The following CLASP1 variants were observed in gnomAD, a reference collection of about 807,000 sequenced individuals.
CLASP1 encodes CLIP-associating protein 1.
CLASP1 carries 38 observed loss-of-function variants against 192.3 expected under a neutral mutation model. The ratio of observed to expected loss-of-function variants is 0.20; its 90% CI spans 0.15 to 0.26. CLASP1 has a LOEUF of 0.26. Ranked by LOEUF, CLASP1 falls within the 10% of genes least tolerant of loss-of-function variation. The pLI is 1.00. For synonymous variants in CLASP1, 691 were observed against 712.8 expected, an observed-to-expected ratio of 0.97 and a Z score of 0.49; for missense variants, 1,433 against 1,932.5, an observed-to-expected ratio of 0.74 and a Z score of 4.85.
At chr2:121,404,930 G>C (rs1340650165) in intron 25 of CLASP1, among the ~76,000 whole-genome samples, 1 of 152,040 alleles carries the variant, frequency 6.6e-6, no homozygotes, top group African/African-American at 2.4e-5. Flanking sequence ...TTAATGAGAG[G>C]TACAAAACAA....
chr2:121,429,585 A>G (rs949004430), intron 20 of CLASP1, among the ~76,000 whole-genome samples: 3 of 152,256 alleles, frequency 2.0e-5, no homozygotes, highest in African/African-American at 4.8e-5. Context: ...GGAAGCAGCT[A>G]GGCAAAGCAA....
At chr2:121,506,664 G>C (rs2093958309) in intron 7 of CLASP1, among the ~76,000 whole-genome samples, 1 of 152,096 alleles carries the variant, frequency 6.6e-6, no homozygotes, top group African/African-American at 2.4e-5. Flanking sequence ...GGCTGACTTT[G>C]ACACTCTGAA....
intron 38 of CLASP1, among the ~76,000 whole-genome samples, chr2:121,347,990 C>T (rs1229417684): frequency 2.2e-5 from 3 of 133,608 alleles, no homozygotes; most frequent in African/African-American, 8.3e-5. Flanking sequence ...TGTCATGTAG[C>T]CCATGGTGAC....
intron 30 of CLASP1, 139 bp downstream of exon 31, chr2:121,397,001 G>T: frequency 1.3e-6 from 1 of 746,296 alleles, no homozygotes; most frequent in Non-Finnish European, 2.2e-6. Context: ...GGCAGAGCTG[G>T]AGAGAGAAAA....
Position 121,427,761 on chromosome 2 carries a change from C to T in CLASP1, c.2018-331G>A, listed in dbSNP as rs900365523. On this transcript the variant is annotated intron_variant, in intron 20 of 39. Transcript: ENST00000263710. ...TCACTACCATCTTCAAAAGTGCTTA[C>T]CACATAGTAAGTGCTCAATAAACAT... is the stretch of plus-strand genomic sequence containing the variant. Among the ~76,000 whole-genome samples the T allele has an allele frequency of 5.9e-5, 9 of 152,172 alleles. 1 individual carries two copies. Among genetic ancestry groups the T allele is most frequent in the Non-Finnish European group, 1.3e-4 (9 of 68,030 alleles).
chr2:121,622,746 T>A (rs1037712033), intron 1 of CLASP1, among the ~76,000 whole-genome samples: 1 of 152,224 alleles, frequency 6.6e-6, no homozygotes, highest in Non-Finnish European at 1.5e-5. Context: ...ATTCTGCAAC[T>A]TTGAGGAGCT....
chr2:121,381,982 A>C (rs1242201828), intron 33 of CLASP1, among the ~76,000 whole-genome samples: 1 of 152,138 alleles, frequency 6.6e-6, no homozygotes, highest in Non-Finnish European at 1.5e-5. Flanking sequence ...TGATCAGCTT[A>C]TAAAGGGTCA....
At chr2:121,416,087 TC>T in intron 23 of CLASP1, among the ~76,000 whole-genome samples, 1 of 152,356 alleles carries the variant, frequency 6.6e-6, no homozygotes, top group South Asian at 2.1e-4. Flanking sequence ...TCTTGATAGT[TC>T]AGACTGAAAT....
intron 7 of CLASP1, among the ~76,000 whole-genome samples, chr2:121,503,534 G>C (rs529570310): frequency 6.6e-5 from 10 of 152,300 alleles, no homozygotes; most frequent in African/African-American, 2.4e-4. Flanking sequence ...CAGAGCCCCT[G>C]CTCTCTGACA....
intron 8 of CLASP1, among the ~76,000 whole-genome samples, chr2:121,491,145 GTTGT>G (rs1313618355): frequency 6.6e-6 from 1 of 152,190 alleles, no homozygotes; most frequent in Admixed American, 6.5e-5. Context: ...TCAAGTTATA[GTTGT>G]TTAAGTGTAA....
intron 6 of CLASP1, among the ~76,000 whole-genome samples, chr2:121,522,275 G>A (rs933205165): frequency 6.6e-6 from 1 of 152,160 alleles, no homozygotes; most frequent in African/African-American, 2.4e-5. Context: ...GCTGCCCGTA[G>A]AGTACCAACC....
At position 121,370,768 on chromosome 2, in the gene CLASP1, C is replaced by G. The variant is rs146076344; in HGVS notation, c.3643-2937G>C. Among the ~76,000 whole-genome samples, 28 of 152,350 alleles carry G rather than the reference C, an allele frequency of 1.8e-4. No individual in the cohort carries two copies. In the South Asian group the frequency reaches 3.1e-3, roughly 17 times the overall value. On this transcript the variant is annotated intron_variant, in intron 34 of 39. Transcript: ENST00000263710. ...TGCAGCTCTGCCACTGCACTCCCCC[C>G]ACTCCACCTGTCCCTAGGTGACACT... is the stretch of plus-strand genomic sequence containing the variant.
chr2:121,444,910 C>A, intron 19 of CLASP1: 1 of 1,342,020 alleles, frequency 7.5e-7, no homozygotes, highest in Non-Finnish European at 1.0e-6. Context: ...AAGTGAGACA[C>A]ACCTCAATCA....
At chr2:121,357,904 C>A (rs149250959) in intron 37 of CLASP1, among the ~76,000 whole-genome samples, 21 of 152,340 alleles carry the variant, frequency 1.4e-4, no homozygotes, top group African/African-American at 4.3e-4. Flanking sequence ...CCTATGTGCT[C>A]CTTTTCAGCC....
At chr2:121,473,127 C>T (rs2091048770) in intron 8 of CLASP1, among the ~76,000 whole-genome samples, 1 of 151,726 alleles carries the variant, frequency 6.6e-6, no homozygotes, top group Non-Finnish European at 1.5e-5. Context: ...AAAATGTGGC[C>T]CATAATCAGG....
chr2:121,398,085 T>C (rs1221629562), intron 29 of CLASP1, among the ~76,000 whole-genome samples: 1 of 152,186 alleles, frequency 6.6e-6, no homozygotes, highest in African/African-American at 2.4e-5. Context: ...GAATACAATA[T>C]GGTATAACCA....
At chr2:121,611,271 G>A (rs1204982457) in intron 1 of CLASP1, among the ~76,000 whole-genome samples, 2 of 138,064 alleles carry the variant, frequency 1.4e-5, no homozygotes, top group African/African-American at 2.8e-5. Flanking sequence ...AGGAGGAAGA[G>A]GAACTGGAGG....
intron 8 of CLASP1, among the ~76,000 whole-genome samples, chr2:121,478,761 A>ACCCCACACC (rs1559366738): frequency 1.1e-3 from 34 of 31,318 alleles, no homozygotes; most frequent in African/African-American, 2.7e-3. Context: ...CCACACACAC[A>ACCCCACACC]CCACACACCC....
intron 39 of CLASP1, among the ~76,000 whole-genome samples, chr2:121,345,852 G>A (rs897934590): frequency 6.6e-6 from 1 of 152,186 alleles, no homozygotes; most frequent in African/African-American, 2.4e-5. Flanking sequence ...CAGCAGTGAT[G>A]GGTGCTATTG....
Sources: gnomAD v4.1 joint callset for allele counts (sites outside exome capture counted in the v4.1 genomes callset) on GRCh38, gnomAD v4.1.1 for gene constraint, MANE v1.5 for transcripts, NCBI Gene and HGNC (gene_info 2026-07-23, HGNC 2026-07-21) for gene names.